Variants in ARHGAP26 observed in about 807,000 individuals in gnomAD.
The protein encoded by ARHGAP26 is Rho GTPase activating protein 26.
In ARHGAP26, 38 loss-of-function variants were observed where a neutral mutation model predicts 104.8. The ratio of observed to expected loss-of-function variants is 0.36; its 90% CI spans 0.28 to 0.48. ARHGAP26 has a LOEUF of 0.48. Among genes scored for constraint, ARHGAP26 ranks in the 20% least tolerant of loss-of-function variants. ARHGAP26 has a pLI of 0.99. For missense variants in ARHGAP26, 704 were observed against 947.9 expected (o/e 0.74, Z 3.38); for synonymous variants, 341 against 340.0 (o/e 1.00, Z -0.03).
In ARHGAP26 at chr5:143,223,990, G is replaced by A. The variant is rs1280722769; in HGVS notation, c.*1544G>A. On this transcript the variant is annotated 3_prime_UTR_variant, in exon 23 of 23. Transcript: ENST00000645722. The stretch of plus-strand genomic sequence containing the variant: ...AACCGATGGACCGTCAAGCTCCCCA[G>A]GAGCCCCTTGGATGGCAGCGTTGCT... 1 of 231,928 alleles carries A rather than the reference G, an allele frequency of 4.3e-6. No individual in the cohort carries two copies. Among genetic ancestry groups the A allele is most frequent in the Non-Finnish European group, 8.5e-6 (1 of 117,006 alleles). 14.4% of individuals were successfully genotyped at this position (231,928 alleles called of 1,614,324 possible). A position where few individuals can be genotyped will look rare whatever the true frequency, so the allele number is the denominator to read the frequency against.
intron 17 of ARHGAP26, among the ~76,000 whole-genome samples, chr5:143,119,892 T>TAA (rs796735888): frequency 2.8e-5 from 4 of 144,526 alleles, no homozygotes; most frequent in African/African-American, 5.0e-5. Context: ...TTTTCTTCCT[T>TAA]AAAAAAAAAA....
At chr5:143,209,410 G>A (rs1297896652) in intron 21 of ARHGAP26, among the ~76,000 whole-genome samples, 1 of 152,134 alleles carries the variant, frequency 6.6e-6, no homozygotes, top group Non-Finnish European at 1.5e-5. Flanking sequence ...TGGGGTCACA[G>A]TTACTCAGTA....
rs570198140 is a variant in ARHGAP26 at position 143,076,120 on chromosome 5, G to A, written c.1538+18373G>A. Among the ~76,000 whole-genome samples the A allele has an allele frequency of 3.3e-5, 5 of 149,774 alleles. No individual in the cohort carries two copies. The East Asian group carries it at 9.8e-4, about 29-fold the overall frequency. ...GCTAAGGTGATCCTTACCCTCCCAA[G>A]TAACTAGGACTACAGGTGTGCGCCA... On this transcript the variant is annotated intron_variant, in intron 17 of 22. Coordinates refer to ENST00000645722, the MANE Select transcript of ARHGAP26 (RefSeq NM_001135608.3).
chr5:142,817,294 G>A (rs113952767), intron 1 of ARHGAP26, among the ~76,000 whole-genome samples: 501 of 152,354 alleles, frequency 3.3e-3, no homozygotes, highest in Non-Finnish European at 5.2e-3. Flanking sequence ...CAGGAGCAGA[G>A]TTGGCAAGGG....
chr5:142,856,441 T>C (rs1343737592), intron 1 of ARHGAP26, among the ~76,000 whole-genome samples: 1 of 152,222 alleles, frequency 6.6e-6, no homozygotes, highest in Non-Finnish European at 1.5e-5. Context: ...CCCACAGTGT[T>C]GAAAGAGCAA....
At chr5:142,786,321 G>C (rs987903508) in intron 1 of ARHGAP26, among the ~76,000 whole-genome samples, 2 of 151,674 alleles carry the variant, frequency 1.3e-5, no homozygotes, top group Admixed American at 6.6e-5. Flanking sequence ...TTAAGAGTTG[G>C]GGTCTTCCTT....
At chr5:142,785,354 G>A (rs142867006) in intron 1 of ARHGAP26, among the ~76,000 whole-genome samples, 3 of 152,306 alleles carry the variant, frequency 2.0e-5, no homozygotes, top group Non-Finnish European at 2.9e-5. Flanking sequence ...AGGATGTTCC[G>A]ACCTGGCACT....
At chr5:142,979,518 G>A (rs962652863) in intron 11 of ARHGAP26, among the ~76,000 whole-genome samples, 3 of 152,202 alleles carry the variant, frequency 2.0e-5, no homozygotes, top group African/African-American at 4.8e-5. Flanking sequence ...AAACATAGAC[G>A]TATCTCTTGA....
At chr5:142,932,694 A>G (rs1764892892) in intron 11 of ARHGAP26, among the ~76,000 whole-genome samples, 1 of 152,384 alleles carries the variant, frequency 6.6e-6, no homozygotes, top group Middle Eastern at 3.4e-3. Context: ...ACAAAAGAGA[A>G]AAAGAATCTA....
At chr5:143,070,281 T>G (rs1788061610) in intron 17 of ARHGAP26, among the ~76,000 whole-genome samples, 1 of 152,190 alleles carries the variant, frequency 6.6e-6, no homozygotes, top group South Asian at 2.1e-4. Flanking sequence ...GAGCTTCCCT[T>G]CCAAATGTTG....
chr5:142,862,261 G>T (rs1176786270), intron 1 of ARHGAP26, among the ~76,000 whole-genome samples: 2 of 152,200 alleles, frequency 1.3e-5, no homozygotes, highest in African/African-American at 4.8e-5. Flanking sequence ...GCAGGCCTAA[G>T]GATGTGGAAA....
intron 1 of ARHGAP26, among the ~76,000 whole-genome samples, chr5:142,782,065 C>T (rs1209053202): frequency 1.3e-5 from 2 of 152,162 alleles, no homozygotes; most frequent in African/African-American, 2.4e-5. Context: ...GAAGAGAACA[C>T]ATAGTCAGCA....
At chr5:143,200,764 C>T (rs962941211) in intron 20 of ARHGAP26, among the ~76,000 whole-genome samples, 9 of 152,188 alleles carry the variant, frequency 5.9e-5, no homozygotes, top group African/African-American at 1.7e-4. Context: ...CTTTCTTCTT[C>T]GTGGTCAGCT....
At chr5:143,106,875 G>A (rs1794099222) in intron 17 of ARHGAP26, among the ~76,000 whole-genome samples, 1 of 152,180 alleles carries the variant, frequency 6.6e-6, no homozygotes, top group Non-Finnish European at 1.5e-5. Flanking sequence ...TTTGTTGTCT[G>A]CCTCTAGGCT....
chr5:143,207,479 A>G, intron 21 of ARHGAP26, 171 bp downstream of exon 21: 1 of 1,613,278 alleles, frequency 6.2e-7, no homozygotes, highest in Non-Finnish European at 8.5e-7. Flanking sequence ...TCCAGGTAAA[A>G]TCTCGGATGA....
intron 17 of ARHGAP26, among the ~76,000 whole-genome samples, chr5:143,090,796 T>G (rs995689339): frequency 1.3e-5 from 2 of 152,244 alleles, no homozygotes; most frequent in Non-Finnish European, 1.5e-5. Context: ...TTGGACCAAC[T>G]ACATCATAAA....
chr5:143,071,502 A>AAT (rs1393569949), intron 17 of ARHGAP26, among the ~76,000 whole-genome samples: 1 of 152,380 alleles, frequency 6.6e-6, no homozygotes, highest in East Asian at 1.9e-4. Context: ...TCCTCAATGT[A>AAT]GGACCCAAAA....
chr5:142,901,792 C>T, intron 6 of ARHGAP26, 143 bp from the exon 7 acceptor site: 1 of 650,302 alleles, frequency 1.5e-6, no homozygotes. Flanking sequence ...TAGTGCCTGG[C>T]ACACAATTGG....
chr5:143,143,606 C>G (rs968239479), intron 19 of ARHGAP26, among the ~76,000 whole-genome samples: 1 of 152,168 alleles, frequency 6.6e-6, no homozygotes. Flanking sequence ...AATTCAGTCA[C>G]GCAAAACTAC....
Sources: allele counts gnomAD v4.1 joint callset (sites outside exome capture counted in the v4.1 genomes callset), GRCh38; gene constraint gnomAD v4.1.1; transcripts MANE v1.5; gene names NCBI Gene and HGNC (gene_info 2026-07-23, HGNC 2026-07-21).